Variants in SLIT2 observed in about 807,000 individuals in gnomAD.
SLIT2 encodes the protein slit homolog 2 protein.
SLIT2 carries 41 observed loss-of-function variants against 185.7 expected under a neutral mutation model. That is an observed-to-expected ratio of 0.22 (90% CI 0.17 to 0.29). The LOEUF (loss-of-function observed/expected upper bound fraction) is 0.29, where lower values mean the gene tolerates loss of function less well. SLIT2 is among the 10% of genes least tolerant of loss of function. The probability of loss-of-function intolerance (pLI) is 1.00; values close to 1 mark genes in which losing one functional copy is unlikely to be tolerated. For missense variants in SLIT2, 1,571 were observed against 1,909.0 expected (o/e 0.82, Z 3.30); for synonymous variants, 693 against 680.2 (o/e 1.02, Z -0.29).
At chr4:20,600,646 G>A (rs900254655) in intron 33 of SLIT2, among the ~76,000 whole-genome samples, 57 of 151,842 alleles carry the variant, frequency 3.8e-4, no homozygotes, top group Non-Finnish European at 4.9e-4. Context: ...GGATGGACTC[G>A]ATCTCCAACC....
intron 24 of SLIT2, among the ~76,000 whole-genome samples, chr4:20,549,905 C>T (rs892516863): frequency 2.6e-5 from 4 of 152,042 alleles, no homozygotes; most frequent in African/African-American, 9.6e-5. Flanking sequence ...TTAATGAGTA[C>T]TATACAGTAC....
chr4:20,604,449 A>G (rs1728635116), intron 33 of SLIT2, among the ~76,000 whole-genome samples: 1 of 151,958 alleles, frequency 6.6e-6, no homozygotes, highest in African/African-American at 2.4e-5. Flanking sequence ...ACCCGGGTTC[A>G]TGCCATCCTC....
At chr4:20,585,712 A>G (rs1384715081) in intron 29 of SLIT2, among the ~76,000 whole-genome samples, 1 of 152,200 alleles carries the variant, frequency 6.6e-6, no homozygotes, top group East Asian at 1.9e-4. Flanking sequence ...GAATATTTCC[A>G]GTTTTCCTTT....
chr4:20,323,954 A>G (rs1719322887), intron 4 of SLIT2, among the ~76,000 whole-genome samples: 1 of 152,214 alleles, frequency 6.6e-6, no homozygotes, highest in Non-Finnish European at 1.5e-5. Flanking sequence ...CATGATCCTG[A>G]AGGCACTTTG....
chr4:20,362,309 G>T (rs1174686986), intron 4 of SLIT2, among the ~76,000 whole-genome samples: 1 of 152,120 alleles, frequency 6.6e-6, no homozygotes, highest in Non-Finnish European at 1.5e-5. Context: ...GCAGAGGAGA[G>T]AGCTCCATAA....
At chr4:20,487,376 A>T (rs754264629) in intron 7 of SLIT2, among the ~76,000 whole-genome samples, 4 of 152,158 alleles carry the variant, frequency 2.6e-5, no homozygotes, top group Non-Finnish European at 4.4e-5. Flanking sequence ...TATTTTTTTT[A>T]AAAAGAAATT....
chr4:20,340,679 C>T (rs1055892886), intron 4 of SLIT2, among the ~76,000 whole-genome samples: 1 of 152,260 alleles, frequency 6.6e-6, no homozygotes, highest in East Asian at 1.9e-4. Context: ...CAGTCCACTG[C>T]GAGCTCCGCC....
chr4:20,311,025 A>G (rs1718059714), intron 4 of SLIT2, among the ~76,000 whole-genome samples: 1 of 152,158 alleles, frequency 6.6e-6, no homozygotes, highest in Non-Finnish European at 1.5e-5. Context: ...GCTGGATTAC[A>G]AGTTCATGTC....
Position 20,477,195 on chromosome 4 carries a change from A to AT in SLIT2, c.468-3507dup, listed in dbSNP as rs34247605. On this transcript the variant is annotated intron_variant, in intron 5 of 36. Coordinates refer to ENST00000504154, the MANE Select transcript of SLIT2 (RefSeq NM_004787.4). Reference sequence around the variant, plus strand: ...AGAATGTTAATACCGAGAGATCATGATTTTTTTTTTTTTTAAGACATGGAG... The same window carrying AT: ...AGAATGTTAATACCGAGAGATCATGATTTTTTTTTTTTTTTAAGACATGGAG... Among the ~76,000 whole-genome samples the AT allele has an allele frequency of 5.1e-3, 716 of 141,118 alleles. 8 individuals are homozygous for AT. The highest frequency in any genetic ancestry group is 0.018 in the East Asian group (85 of 4,836). 92.6% of individuals were successfully genotyped at this position (141,118 alleles called of 152,430 possible). A position where few individuals can be genotyped will look rare whatever the true frequency, so the allele number is the denominator to read the frequency against.
At chr4:20,526,292 A>C (rs771617053) in intron 15 of SLIT2, among the ~76,000 whole-genome samples, 8 of 152,160 alleles carry the variant, frequency 5.3e-5, no homozygotes, top group Admixed American at 2.6e-4. Flanking sequence ...TTTGAGCTTG[A>C]ATGATCAATA....
intron 18 of SLIT2, among the ~76,000 whole-genome samples, chr4:20,537,319 G>A (rs1043434334): frequency 1.3e-5 from 2 of 152,056 alleles, no homozygotes; most frequent in Non-Finnish European, 2.9e-5. Flanking sequence ...ACATCTCGAG[G>A]CAATAGGAAA....
At chr4:20,425,611 A>G (rs1227158311) in intron 4 of SLIT2, among the ~76,000 whole-genome samples, 3 of 152,230 alleles carry the variant, frequency 2.0e-5, no homozygotes, top group African/African-American at 7.2e-5. Context: ...CTTTCTAAAA[A>G]TATTATTTTC....
At chr4:20,445,996 C>T (rs1253633308) in intron 4 of SLIT2, among the ~76,000 whole-genome samples, 1 of 152,212 alleles carries the variant, frequency 6.6e-6, no homozygotes, top group Non-Finnish European at 1.5e-5. Context: ...AAGCACTGTT[C>T]ATTTCCTCTT....
At chr4:20,361,709 C>G (rs1047187008) in intron 4 of SLIT2, among the ~76,000 whole-genome samples, 2 of 151,962 alleles carry the variant, frequency 1.3e-5, no homozygotes, top group Non-Finnish European at 2.9e-5. Flanking sequence ...GTAGCTAATA[C>G]CTTTAAAGAT....
chr4:20,319,343 G>A (rs1168903287), intron 4 of SLIT2, among the ~76,000 whole-genome samples: 1 of 152,050 alleles, frequency 6.6e-6, no homozygotes, highest in East Asian at 1.9e-4. Flanking sequence ...AAAGTATAAA[G>A]ACTTTTAAAG....
intron 34 of SLIT2, 184 bp from the exon 35 acceptor site, chr4:20,616,726 C>T (rs1056497159): frequency 1.8e-6 from 1 of 544,822 alleles, no homozygotes; most frequent in Non-Finnish European, 3.2e-6. Context: ...GAGCATCTTC[C>T]AATACAGAAC....
chr4:20,465,845 A>G (rs1714282883), intron 4 of SLIT2, among the ~76,000 whole-genome samples: 1 of 152,114 alleles, frequency 6.6e-6, no homozygotes, highest in African/African-American at 2.4e-5. Flanking sequence ...AACTGAGGTT[A>G]TAGGTGGGGA....
chr4:20,302,579 C>T (rs529999216), intron 4 of SLIT2, among the ~76,000 whole-genome samples: 4 of 151,868 alleles, frequency 2.6e-5, no homozygotes, highest in Non-Finnish European at 5.9e-5. Flanking sequence ...ATAAAGCGTT[C>T]ATGAGGACTG....
intron 4 of SLIT2, among the ~76,000 whole-genome samples, chr4:20,453,214 A>T (rs2148717069): frequency 6.6e-6 from 1 of 152,302 alleles, no homozygotes; most frequent in Middle Eastern, 3.4e-3. Flanking sequence ...TATATGATGG[A>T]TTTAAATTTT....
Sources: gnomAD v4.1 joint callset for allele counts (sites outside exome capture counted in the v4.1 genomes callset) on GRCh38, gnomAD v4.1.1 for gene constraint, MANE v1.5 for transcripts, NCBI Gene and HGNC (gene_info 2026-07-23, HGNC 2026-07-21) for gene names.